The following SIAH1 variants were observed in gnomAD, a reference collection of about 807,000 sequenced individuals.
SIAH1 encodes the protein siah E3 ubiquitin protein ligase 1.
A neutral mutation model predicts 20.0 loss-of-function variants in SIAH1; 2 were observed. That is an observed-to-expected ratio of 0.10 (90% confidence interval 0.04 to 0.31). The LOEUF (loss-of-function observed/expected upper bound fraction) is 0.31, where lower values mean the gene tolerates loss of function less well. Among genes scored for constraint, SIAH1 ranks in the 10% least tolerant of loss-of-function variants. The probability of loss-of-function intolerance (pLI) is 1.00; values close to 1 mark genes in which losing one functional copy is unlikely to be tolerated. For missense variants in SIAH1, 119 were observed against 355.3 expected (o/e 0.33, Z 5.35); for synonymous variants, 118 against 125.3 (o/e 0.94, Z 0.39).
At chr16:48,380,255 A>G (rs373999784) in intron 1 of SIAH1, among the ~76,000 whole-genome samples, 3 of 152,088 alleles carry the variant, frequency 2.0e-5, no homozygotes, top group Non-Finnish European at 4.4e-5. Context: ...GCTGGCCAAC[A>G]TGGCGAAACC....
chr16:48,380,649 C>T (rs553857126), intron 1 of SIAH1, among the ~76,000 whole-genome samples: 1 of 152,096 alleles, frequency 6.6e-6, no homozygotes, highest in Admixed American at 6.5e-5. Context: ...ACAGGCCAGG[C>T]GCAGTGGCCC....
chr16:48,372,586 C>G (rs1345240571), intron 1 of SIAH1, among the ~76,000 whole-genome samples: 1 of 152,246 alleles, frequency 6.6e-6, no homozygotes, highest in South Asian at 2.1e-4. Context: ...ATTTTCTCTA[C>G]GCAAGCTAGA....
At chr16:48,379,492 A>C (rs1241756490) in intron 1 of SIAH1, among the ~76,000 whole-genome samples, 1 of 152,220 alleles carries the variant, frequency 6.6e-6, no homozygotes, top group East Asian at 1.9e-4. Context: ...AAGAAACACT[A>C]TGCCTTGGTA....
intron 1 of SIAH1, among the ~76,000 whole-genome samples, chr16:48,378,245 C>T (rs563760187): frequency 6.6e-6 from 1 of 152,072 alleles, no homozygotes; most frequent in African/African-American, 2.4e-5. Flanking sequence ...CCCAGCTACT[C>T]GAGAGGCTGA....
At chr16:48,378,671 A>G (rs1961175343) in intron 1 of SIAH1, among the ~76,000 whole-genome samples, 1 of 152,200 alleles carries the variant, frequency 6.6e-6, no homozygotes, top group Admixed American at 6.5e-5. Flanking sequence ...TCCTTGAACA[A>G]CAGCCAGATG....
intron 1 of SIAH1, among the ~76,000 whole-genome samples, chr16:48,381,727 G>T (rs1182485128): frequency 1.3e-5 from 2 of 152,180 alleles, no homozygotes; most frequent in Non-Finnish European, 2.9e-5. Flanking sequence ...GACAATAAAA[G>T]AAAGAAGATA....
chr16:48,384,493 G>A (rs887775265), intron 1 of SIAH1, among the ~76,000 whole-genome samples: 10 of 152,322 alleles, frequency 6.6e-5, no homozygotes, highest in African/African-American at 1.7e-4. Flanking sequence ...GAAATGCCAG[G>A]TTTATAATAA....
At chr16:48,378,355 AAAC>A (rs376500011) in intron 1 of SIAH1, among the ~76,000 whole-genome samples, 130 of 152,278 alleles carry the variant, frequency 8.5e-4, no homozygotes, top group African/African-American at 2.2e-3. Context: ...CTTTGTCACA[AAAC>A]AACAACAACA....
chr16:48,365,549 C>G, intron 1 of SIAH1: 1 of 1,558,128 alleles, frequency 6.4e-7, no homozygotes, highest in Non-Finnish European at 8.6e-7. Context: ...TCTTTCTGCT[C>G]CTAAGCACAG....
chr16:48,365,423 T>C (rs1369815521), intron 1 of SIAH1: 2 of 1,613,880 alleles, frequency 1.2e-6, no homozygotes, highest in African/African-American at 2.7e-5. Context: ...GGTAAACATG[T>C]GAACAAGACT....
chr16:48,366,403 C>T (rs1960842843), intron 1 of SIAH1, among the ~76,000 whole-genome samples: 1 of 152,158 alleles, frequency 6.6e-6, no homozygotes, highest in Non-Finnish European at 1.5e-5. Context: ...CATTTCTACT[C>T]CTATCAGCAC....
At chr16:48,363,382 C>T (rs1960685122) in intron 1 of SIAH1, 1 of 167,012 alleles carries the variant, frequency 6.0e-6, no homozygotes, top group Admixed American at 6.6e-5. Context: ...TGATCAGTGC[C>T]CACCTCAAGA....
At chr16:48,367,285 G>A (rs1423321972) in intron 1 of SIAH1, among the ~76,000 whole-genome samples, 1 of 152,192 alleles carries the variant, frequency 6.6e-6, no homozygotes, top group African/African-American at 2.4e-5. Context: ...GAACCAAAAT[G>A]TATACAACAA....
chr16:48,372,286 G>A (rs1961005452), intron 1 of SIAH1, among the ~76,000 whole-genome samples: 1 of 152,140 alleles, frequency 6.6e-6, no homozygotes, highest in Non-Finnish European at 1.5e-5. Flanking sequence ...AGCTGAAATA[G>A]TTACAATCTA....
intron 1 of SIAH1, among the ~76,000 whole-genome samples, chr16:48,378,265 A>AT (rs1213711562): frequency 4.6e-5 from 7 of 152,208 alleles, no homozygotes; most frequent in Non-Finnish European, 1.0e-4. Context: ...AGGCAGGAGA[A>AT]TCGCTTGAAC....
chr16:48,384,997 T>G (rs1211337687), intron 1 of SIAH1, among the ~76,000 whole-genome samples: 2 of 146,216 alleles, frequency 1.4e-5, no homozygotes, highest in East Asian at 2.0e-4. Flanking sequence ...CGAGCCGGCT[T>G]GCGAAGGCTG....
chr16:48,377,369 T>G (rs1961136251), intron 1 of SIAH1, among the ~76,000 whole-genome samples: 1 of 150,140 alleles, frequency 6.7e-6, no homozygotes, highest in South Asian at 2.1e-4. Context: ...TCTGTAACAT[T>G]AAACCTAAAG....
At chr16:48,375,225 T>C (rs1479650003) in intron 1 of SIAH1, among the ~76,000 whole-genome samples, 1 of 152,206 alleles carries the variant, frequency 6.6e-6, no homozygotes, top group Non-Finnish European at 1.5e-5. Flanking sequence ...AACAGCCCTA[T>C]CCTAAGAAAG....
At chr16:48,385,720 G>C (rs888151830), upstream of SIAH1, among the ~76,000 whole-genome samples, 1 of 152,014 alleles carries the variant, frequency 6.6e-6, no homozygotes. Context: ...AGCTCCTCCC[G>C]CGGCGCTTTG....
Sources: allele counts gnomAD v4.1 joint callset (sites outside exome capture counted in the v4.1 genomes callset), GRCh38; gene constraint gnomAD v4.1.1; transcripts MANE v1.5; gene names NCBI Gene and HGNC (gene_info 2026-07-23, HGNC 2026-07-21).